POLE: variants seen among roughly 807,000 people sequenced by gnomAD.
POLE encodes the protein DNA polymerase epsilon, catalytic subunit, also known as DNA polymerase epsilon catalytic subunit A.
Under a neutral mutation model 279.2 loss-of-function variants are expected in POLE, and 188 were observed. The ratio of observed to expected loss-of-function variants is 0.67; its 90% CI spans 0.60 to 0.76. The LOEUF is 0.76. Ranked by LOEUF, POLE falls within the 30% of genes least tolerant of loss-of-function variation. The probability of loss-of-function intolerance (pLI) is 0.00; values close to 1 mark genes in which losing one functional copy is unlikely to be tolerated. For synonymous variants in POLE, 1,214 were observed against 1,172.5 expected (o/e 1.04, Z -0.72); for missense variants, 2,703 against 3,016.7 (o/e 0.90, Z 2.44).
rs763293555 is a variant in POLE, at chr12:132,677,410, C to G, written c.754G>C (p.Ala252Pro). 6.2e-7 allele frequency: 1 copy of G among 1,614,102 alleles called. No homozygotes were observed. Among genetic ancestry groups the G allele is most frequent in the Non-Finnish European group, 8.5e-7 (1 of 1,179,988 alleles). The change falls in exon 8 of 49, where the codon GCT becomes CCT. Residue 252 changes from alanine to proline, a missense_variant. Ala to Pro is a conservative substitution (Grantham distance 27). Transcript: ENST00000320574. ...CGGCGGGTGATTTCTACCGGAAAAG[C>G]ATTTCCTCGGTATCTGACATTGTAC... ...HWYNVRYRGN[A>P]FPVEITRRDD...
intron 40 of POLE, chr12:132,638,612 G>A (rs1404589019): frequency 6.0e-6 from 1 of 167,940 alleles, no homozygotes; most frequent in Non-Finnish European, 1.3e-5. Context: ...CCTCTGTGGG[G>A]CCGCTCTGGT....
chr12:132,654,932 C>T (rs1466059553), intron 29 of POLE, among the ~76,000 whole-genome samples: 1 of 152,174 alleles, frequency 6.6e-6, no homozygotes, highest in African/African-American at 2.4e-5. Flanking sequence ...CCCTGTGTTG[C>T]CCAGGCTGGG....
chr12:132,672,403 C>T lies in POLE; in HGVS notation c.1687-81G>A, dbSNP rs1005196225. Reference sequence around the variant, plus strand: ...CCTCAGGTTTGACGCTGTGGCTGCACGTGGCAGGTTGTGCCCGAGAAAGCT... The same window carrying T: ...CCTCAGGTTTGACGCTGTGGCTGCATGTGGCAGGTTGTGCCCGAGAAAGCT... On this transcript the variant is annotated intron_variant, in intron 15 of 48. Transcript: ENST00000320574. 1.9e-5 allele frequency: 24 copies of T among 1,263,400 alleles called. No individual in the cohort carries two copies. In the African/African-American group the frequency reaches 2.8e-4, roughly 15 times the overall value. The allele number at this position is 1,263,400 out of a possible 1,614,324, so 78.3% of individuals were successfully genotyped here.
In POLE at chr12:132,680,073, T is replaced by G. The variant is rs1365832415; in HGVS notation, c.331-27A>C. The G allele has an allele frequency of 8.7e-6, 14 of 1,602,490 alleles. No individual in the cohort carries two copies. Among genetic ancestry groups the G allele is most frequent in the African/African-American group, 1.3e-5 (1 of 74,640 alleles). On this transcript the variant is annotated intron_variant, in intron 4 of 48. Coordinates refer to ENST00000320574, the MANE Select transcript of POLE (RefSeq NM_006231.4). ...TAATCAGGATCAGAATGAAAAGGCT[T>G]TCCATTGGTAAAATACATTTCCTTC...
intron 32 of POLE, among the ~76,000 whole-genome samples, chr12:132,645,448 C>T (rs982675421): frequency 5.9e-5 from 9 of 152,194 alleles, no homozygotes; most frequent in Non-Finnish European, 7.3e-5. Flanking sequence ...ACCAGCAGCA[C>T]AAGTCCCAGG....
In POLE at chr12:132,641,829, C is replaced by T. The variant is rs2138526164; in HGVS notation, c.5196G>A (p.Gln1732=). 6.2e-7 allele frequency: 1 copy of T among 1,601,116 alleles called. No homozygotes were observed. Residue 1732 remains glutamine, a synonymous_variant, in exon 39 of 49, where the codon CAG becomes CAA. Transcript: ENST00000320574. The part of the protein sequence containing the change: ...YSTVCVELDL[Q]NLAVNTILQS... ...GGAGAATGGTGTTGACGGCCAGGTT[C>T]TGAAGGTCCAGCTCCACACACACTG...
intron 25 of POLE, 127 bp from the exon 26 acceptor site, chr12:132,659,636 C>T: frequency 1.5e-6 from 1 of 687,778 alleles, no homozygotes; most frequent in Non-Finnish European, 2.5e-6. Flanking sequence ...ATTTCAAGAG[C>T]TCTCTAATAT....
At position 132,675,389 on chromosome 12, in the gene POLE, G is replaced by T. The variant is rs768319770; in HGVS notation, c.1226+9C>A. 1 of 1,613,718 alleles carries T rather than the reference G, an allele frequency of 6.2e-7. No individual in the cohort carries two copies. Among genetic ancestry groups the T allele is most frequent in the Non-Finnish European group, 8.5e-7 (1 of 1,179,834 alleles). ...GCAGTGAGGAGCCATGCTGCTCTGT[G>T]GCCCCTACCTGAGGCAGTCCATGTG... On this transcript the variant is annotated intron_variant, in intron 12 of 48. Transcript: ENST00000320574. The surrounding 1 kb of genome is among the most constrained non-coding windows in gnomAD (Gnocchi z 4.3).
rs748679246 is a variant in POLE, at chr12:132,681,156, C to A, written c.186G>T (p.Trp62Cys). 6.2e-7 allele frequency: 1 copy of A among 1,614,098 alleles called. No homozygotes were observed. The highest frequency in any genetic ancestry group is 8.5e-7 in the Non-Finnish European group (1 of 1,180,008). ...RLKEPGEKTG[W>C]LINMHPTEIL... ...TGCTTACAGGATGCATGTTAATGAG[C>A]CAGCCTGTCTTCTCACCAGGCTCCT... Residue 62 changes from tryptophan (W) to cysteine (C), a missense_variant, in exon 2 of 49, where the codon TGG (tryptophan) becomes TGT (cysteine). This residue lies in a region of POLE where 1,011 missense variants were observed against 1,111.7 expected (regional missense o/e 0.91). Coordinates refer to ENST00000320574, the MANE Select transcript of POLE (RefSeq NM_006231.4).
intron 29 of POLE, among the ~76,000 whole-genome samples, chr12:132,652,537 T>C (rs372239337): frequency 6.6e-5 from 10 of 152,222 alleles, no homozygotes; most frequent in Admixed American, 5.2e-4. Flanking sequence ...TTGCCCAGGC[T>C]CGTCTGGAAC....
chr12:132,641,429 T>A (rs2042138083), intron 39 of POLE: 1 of 584,020 alleles, frequency 1.7e-6, no homozygotes, highest in Non-Finnish European at 3.1e-6. Context: ...CACAGGGAGG[T>A]CAGAGGCAGC....
rs571286665 is a variant in POLE at position 132,675,942 on chromosome 12, C to T, written c.1021-122G>A. The T allele has an allele frequency of 1.4e-4, 130 of 954,054 alleles. 2 individuals are homozygous for T. The highest frequency in any genetic ancestry group is 1.1e-3 in the South Asian group (81 of 70,894). The allele number at this position is 954,054 out of a possible 1,614,324, so 59.1% of individuals were successfully genotyped here. A position where few individuals can be genotyped will look rare whatever the true frequency, so the allele number is the denominator to read the frequency against. On this transcript the variant is annotated intron_variant, in intron 10 of 48. Transcript: ENST00000320574. The surrounding 1 kb of genome is among the most constrained non-coding windows in gnomAD (Gnocchi z 4.3). ...GGCCCTTATTCCTGCCCCGCCCCTC[C>T]GCCCGTCTCTGGCAGAAAAGACGGT... is the stretch of plus-strand genomic sequence containing the variant.
intron 15 of POLE, 102 bp downstream of exon 15, chr12:132,672,525 G>T: frequency 1.5e-6 from 2 of 1,303,952 alleles, no homozygotes; most frequent in Non-Finnish European, 1.1e-6. Context: ...AGGGGCCGTG[G>T]GACAGGATGG....
Position 132,660,918 on chromosome 12 carries a change from G to C in POLE, c.3060+51C>G, listed in dbSNP as rs747439000. The stretch of plus-strand genomic sequence containing the variant: ...CCAGGAAGCACGGGGTCCCCTTCTT[G>C]CTTCATCCTTCATCCCTCAGAGCAG... On this transcript the variant is annotated intron_variant, in intron 25 of 48. Transcript: ENST00000320574. 7 of 1,461,540 alleles carry C rather than the reference G, an allele frequency of 4.8e-6. No homozygotes were observed. The East Asian group carries it at 1.6e-4, about 34-fold the overall frequency. The allele number at this position is 1,461,540 out of a possible 1,614,324, so 90.5% of individuals were successfully genotyped here.
At chr12:132,635,836 C>T (rs2138483667) in intron 42 of POLE, 56 bp downstream of exon 42, 2 of 1,563,568 alleles carry the variant, frequency 1.3e-6, no homozygotes, top group African/African-American at 1.4e-5. Flanking sequence ...GCACTTGCTG[C>T]AGGAATGAAC....
rs2043041051 is a variant in POLE at position 132,675,954 on chromosome 12, G to T, written c.1021-134C>A. 1 of 939,880 alleles carries T rather than the reference G, an allele frequency of 1.1e-6. No individual in the cohort carries two copies. The highest frequency in any genetic ancestry group is 1.7e-6 in the Non-Finnish European group (1 of 598,200). 58.2% of individuals were successfully genotyped at this position (939,880 alleles called of 1,614,324 possible). On this transcript the variant is annotated intron_variant, in intron 10 of 48. Transcript: ENST00000320574. The surrounding 1 kb of genome is among the most constrained non-coding windows in gnomAD (Gnocchi z 4.3). ...TGCCCCGCCCCTCCGCCCGTCTCTGGCAGAAAAGACGGTCATACCCTGAGA... is the reference window on the plus strand; with the variant it reads ...TGCCCCGCCCCTCCGCCCGTCTCTGTCAGAAAAGACGGTCATACCCTGAGA...
intron 23 of POLE, 138 bp downstream of exon 23, chr12:132,663,866 T>G (rs761669003): frequency 9.9e-6 from 8 of 811,748 alleles, no homozygotes; most frequent in Non-Finnish European, 1.2e-5. Context: ...GACCATGGTC[T>G]TCAGGCTATA....
At chr12:132,637,902 C>T (rs1343856418) in intron 41 of POLE, 112 bp downstream of exon 41, 4 of 1,222,076 alleles carry the variant, frequency 3.3e-6, no homozygotes, top group African/African-American at 3.0e-5. Context: ...GTGAGTCCTG[C>T]ACTTCTAACG....
In POLE at chr12:132,626,245, C is replaced by T. The variant is rs878854891; in HGVS notation, c.6403G>A (p.Val2135Ile). Reference protein sequence around the residue: ...LNRDLLRLVDVGEFSEEAQFR... With the variant: ...LNRDLLRLVDIGEFSEEAQFR... ...TGGGCCTCCTCGGAGAACTCGCCGA[C>T]ATCCACCAGGCGAAGCAGGTCTCGG... The change falls in exon 46 of 49, where the codon GTC becomes ATC. Residue 2135 changes from valine to isoleucine, a missense_variant. Physicochemically the swap from Val to Ile is conservative, Grantham distance 29. Transcript: ENST00000320574. 1 of 1,613,926 alleles carries T rather than the reference C, an allele frequency of 6.2e-7. No individual in the cohort carries two copies. Among genetic ancestry groups the T allele is most frequent in the Non-Finnish European group, 8.5e-7 (1 of 1,180,026 alleles).
Sources: allele counts gnomAD v4.1 joint callset (sites outside exome capture counted in the v4.1 genomes callset), GRCh38; gene constraint gnomAD v4.1.1; regional missense constraint gnomAD v4.1.1; non-coding constraint Gnocchi (gnomAD v3.1); transcripts MANE v1.5; gene names NCBI Gene and HGNC (gene_info 2026-07-23, HGNC 2026-07-21).